ELAVL2: variants seen among roughly 807,000 people sequenced by gnomAD.
ELAVL2 encodes ELAV like RNA binding protein 2.
A neutral mutation model predicts 34.6 loss-of-function variants in ELAVL2; 4 were observed. The observed-to-expected ratio is 0.12, with a 90% confidence interval of 0.06 to 0.26. The LOEUF (loss-of-function observed/expected upper bound fraction) is 0.26, where lower values mean the gene tolerates loss of function less well. Among genes scored for constraint, ELAVL2 ranks in the 10% least tolerant of loss-of-function variants. ELAVL2 has a pLI of 1.00. For synonymous variants in ELAVL2, 193 were observed against 154.8 expected (o/e 1.25, Z -1.83); for missense variants, 432 against 442.8 (o/e 0.98, Z 0.22).
intron 5 of ELAVL2, among the ~76,000 whole-genome samples, chr9:23,696,562 G>A (rs1178381718): frequency 2.0e-5 from 3 of 152,142 alleles, no homozygotes; most frequent in African/African-American, 4.8e-5. Context: ...TCTGCCTCCC[G>A]GGTTCACACC....
At chr9:23,815,398 C>T (rs1177629558) in intron 1 of ELAVL2, among the ~76,000 whole-genome samples, 1 of 152,120 alleles carries the variant, frequency 6.6e-6, no homozygotes, top group African/African-American at 2.4e-5. Flanking sequence ...TCACAATTCT[C>T]CCAAATCCTC....
At chr9:23,743,933 G>A in intron 2 of ELAVL2, among the ~76,000 whole-genome samples, 1 of 152,142 alleles carries the variant, frequency 6.6e-6, no homozygotes, top group Non-Finnish European at 1.5e-5. Flanking sequence ...ATCTGATGTG[G>A]GAAGTAACTT....
chr9:23,840,740 T>G, the ELAVL2 span, among the ~76,000 whole-genome samples: 2 of 152,166 alleles, frequency 1.3e-5, no homozygotes, highest in East Asian at 3.9e-4. Context: ...GGCATAGATA[T>G]ATTTTAGTGT....
chr9:23,759,998 A>T lies in ELAVL2; in HGVS notation c.229+2008T>A, dbSNP rs535254596. On this transcript the variant is annotated intron_variant, in intron 2 of 6. Transcript: ENST00000397312. Reference sequence around the variant, plus strand: ...GGAAATGGATGAGAAATATTTACACAGTTTTTTAGTATCTAGGTATGTATT... The same window carrying T: ...GGAAATGGATGAGAAATATTTACACTGTTTTTTAGTATCTAGGTATGTATT... Among the ~76,000 whole-genome samples the T allele has an allele frequency of 2.1e-3, 312 of 151,810 alleles. 3 individuals carry two copies. Among genetic ancestry groups the T allele is most frequent in the African/African-American group, 6.1e-3 (253 of 41,466 alleles).
intron 2 of ELAVL2, among the ~76,000 whole-genome samples, chr9:23,740,203 C>T (rs1356348770): frequency 6.6e-6 from 1 of 152,288 alleles, no homozygotes; most frequent in South Asian, 2.1e-4. Flanking sequence ...GCTATGTCTA[C>T]CTGTCTGGCA....
chr9:23,785,800 C>G (rs1373753723), intron 1 of ELAVL2, among the ~76,000 whole-genome samples: 1 of 152,186 alleles, frequency 6.6e-6, no homozygotes, highest in Admixed American at 6.5e-5. Context: ...AGAGGACACA[C>G]AATGGGAAAA....
At chr9:23,837,341 A>G in the ELAVL2 span, among the ~76,000 whole-genome samples, 1 of 152,156 alleles carries the variant, frequency 6.6e-6, no homozygotes, top group African/African-American at 2.4e-5. Flanking sequence ...CTAGATGTGG[A>G]GCAAGGAGGC....
chr9:23,836,816 T>C, the ELAVL2 span, among the ~76,000 whole-genome samples: 3 of 152,102 alleles, frequency 2.0e-5, no homozygotes, highest in Non-Finnish European at 4.4e-5. Context: ...GGTATTGTGG[T>C]ACCACATTAT....
chr9:23,838,694 C>A, the ELAVL2 span, among the ~76,000 whole-genome samples: 9 of 152,224 alleles, frequency 5.9e-5, no homozygotes, highest in African/African-American at 2.2e-4. Flanking sequence ...TTAATCATTT[C>A]TTTTTCCCTA....
At chr9:23,807,730 A>G (rs1490109032) in intron 1 of ELAVL2, among the ~76,000 whole-genome samples, 1 of 152,196 alleles carries the variant, frequency 6.6e-6, no homozygotes, top group East Asian at 1.9e-4. Context: ...TGAATTAGTG[A>G]AATTCTAATT....
chr9:23,799,982 T>G (rs2061392286), intron 1 of ELAVL2, among the ~76,000 whole-genome samples: 1 of 152,150 alleles, frequency 6.6e-6, no homozygotes, highest in Admixed American at 6.5e-5. Context: ...GGGACAGACC[T>G]AATCTTTCCC....
chr9:23,780,670 G>GT (rs2058941928), intron 1 of ELAVL2, among the ~76,000 whole-genome samples: 2 of 152,146 alleles, frequency 1.3e-5, no homozygotes, highest in Admixed American at 1.3e-4. Context: ...ATGATCATGT[G>GT]TAACACACAG....
intron 1 of ELAVL2, among the ~76,000 whole-genome samples, chr9:23,775,196 G>GCA (rs2057999563): frequency 6.6e-6 from 1 of 152,142 alleles, no homozygotes; most frequent in Non-Finnish European, 1.5e-5. Context: ...AAAGAAACTA[G>GCA]CAATTATTGA....
At position 23,692,639 on chromosome 9, in the gene ELAVL2, G is replaced by A. The variant is rs2033552215; in HGVS notation, c.998C>T (p.Ala333Val). 4 of 1,614,168 alleles carry A rather than the reference G, an allele frequency of 2.5e-6. No individual in the cohort carries two copies. Among genetic ancestry groups the A allele is most frequent in the Non-Finnish European group, 2.5e-6 (3 of 1,179,996 alleles). ...ACGGTATCCATTGAGGCTAGCTATC[G>A]CCATGGCAGCCTCATCATAGTTTGT... ...TMTNYDEAAM[A>V]IASLNGYRLG... is the part of the protein sequence containing the mutation. Residue 333 changes from alanine to valine, a missense_variant, in exon 7 of 7, where the codon GCG (alanine) becomes GTG (valine). Coordinates refer to ENST00000397312, the MANE Select transcript of ELAVL2 (RefSeq NM_004432.5).
At chr9:23,816,317 T>TAAAAAAAAAA (rs10717104) in intron 1 of ELAVL2, among the ~76,000 whole-genome samples, 1 of 44,696 alleles carries the variant, frequency 2.2e-5, no homozygotes, top group East Asian at 8.5e-4. Flanking sequence ...AAGCTTTCAG[T>TAAAAAAAAAA]AAAAAAAAAA....
the ELAVL2 span, among the ~76,000 whole-genome samples, chr9:23,848,733 T>A: frequency 6.6e-6 from 1 of 152,286 alleles, no homozygotes; most frequent in Admixed American, 6.5e-5. Flanking sequence ...TCAGAATAGG[T>A]CTTGAGAAAT....
At chr9:23,733,428 AACC>A (rs2047088855) in intron 2 of ELAVL2, among the ~76,000 whole-genome samples, 1 of 152,166 alleles carries the variant, frequency 6.6e-6, no homozygotes, top group Non-Finnish European at 1.5e-5. Context: ...ACTAACGTAC[AACC>A]ACCATGTTGA....
intron 1 of ELAVL2, among the ~76,000 whole-genome samples, chr9:23,814,822 T>C (rs937233921): frequency 6.6e-6 from 1 of 152,180 alleles, no homozygotes; most frequent in Admixed American, 6.5e-5. Flanking sequence ...ATTCTTACTT[T>C]TGAAAAGCAG....
chr9:23,824,816 C>CA (rs2065188043), intron 1 of ELAVL2, among the ~76,000 whole-genome samples: 1 of 152,160 alleles, frequency 6.6e-6, no homozygotes, highest in South Asian at 2.1e-4. Flanking sequence ...CTCCTGGCGT[C>CA]AATTTAACAA....
Sources: gnomAD v4.1 joint callset for allele counts (sites outside exome capture counted in the v4.1 genomes callset) on GRCh38, gnomAD v4.1.1 for gene constraint, MANE v1.5 for transcripts, NCBI Gene and HGNC (gene_info 2026-07-23, HGNC 2026-07-21) for gene names.